The following LRCH1 variants were observed in gnomAD, a reference collection of about 807,000 sequenced individuals.
The protein encoded by LRCH1 is leucine-rich repeat and calponin homology domain-containing protein 1.
Under a neutral mutation model 94.9 loss-of-function variants are expected in LRCH1, and 23 were observed. That is an observed-to-expected ratio of 0.24 (90% CI 0.17 to 0.34). LRCH1 has a LOEUF of 0.34. LRCH1 is among the 10% of genes least tolerant of loss of function. The pLI, the probability that LRCH1 is intolerant of heterozygous loss-of-function variation, is 1.00. For synonymous variants in LRCH1, 364 were observed against 354.9 expected (o/e 1.03, Z -0.29); for missense variants, 790 against 945.9 (o/e 0.84, Z 2.16).
At chr13:46,585,694 GA>G (rs1394048400) in intron 1 of LRCH1, among the ~76,000 whole-genome samples, 2 of 151,940 alleles carry the variant, frequency 1.3e-5, no homozygotes, top group African/African-American at 4.8e-5. Context: ...TCATTCTTTA[GA>G]TTACATCTCT....
At chr13:46,646,970 G>A (rs143110393) in intron 1 of LRCH1, among the ~76,000 whole-genome samples, 2 of 152,134 alleles carry the variant, frequency 1.3e-5, no homozygotes, top group East Asian at 3.9e-4. Flanking sequence ...AAAATTAGCT[G>A]GACGTGGTGG....
intron 1 of LRCH1, among the ~76,000 whole-genome samples, chr13:46,614,100 A>G (rs146815828): frequency 1.2e-3 from 87 of 70,366 alleles, no homozygotes; most frequent in African/African-American, 7.3e-3. Context: ...ATCATTTCAC[A>G]TAGTTACCTT....
At chr13:46,714,300 G>T (rs9526222) in intron 15 of LRCH1, among the ~76,000 whole-genome samples, 68,561 of 151,882 alleles carry the variant, frequency 0.45, 16,070 homozygotes, top group African/African-American at 0.59. Flanking sequence ...AGTGACATGT[G>T]GGAACTTTAA....
intron 1 of LRCH1, among the ~76,000 whole-genome samples, chr13:46,601,394 A>C (rs1299331576): frequency 6.6e-6 from 1 of 152,228 alleles, no homozygotes; most frequent in South Asian, 2.1e-4. Flanking sequence ...TTTGAGGCAA[A>C]TTGCAGGAAA....
intron 1 of LRCH1, among the ~76,000 whole-genome samples, chr13:46,629,381 T>C: frequency 6.6e-6 from 1 of 152,268 alleles, no homozygotes; most frequent in East Asian, 1.9e-4. Flanking sequence ...ATACACTTTA[T>C]GTGTTCTTGT....
intron 1 of LRCH1, among the ~76,000 whole-genome samples, chr13:46,592,547 G>A (rs976524155): frequency 2.0e-5 from 3 of 152,200 alleles, no homozygotes; most frequent in Non-Finnish European, 4.4e-5. Flanking sequence ...TGGAGTCACT[G>A]ATCTGGAAAA....
chr13:46,601,229 C>T (rs1469758602), intron 1 of LRCH1, among the ~76,000 whole-genome samples: 1 of 152,204 alleles, frequency 6.6e-6, no homozygotes, highest in African/African-American at 2.4e-5. Flanking sequence ...GGAGAATATG[C>T]ATCAGCCTTG....
intron 2 of LRCH1, among the ~76,000 whole-genome samples, chr13:46,652,138 G>C (rs1242523964): frequency 3.3e-5 from 5 of 149,748 alleles, no homozygotes; most frequent in Middle Eastern, 3.4e-3. Flanking sequence ...GTGCAGTGGC[G>C]CGATCTCGGC....
At chr13:46,715,715 G>T in intron 16 of LRCH1, 51 bp downstream of exon 16, 3 of 1,058,570 alleles carry the variant, frequency 2.8e-6, no homozygotes, top group Admixed American at 4.0e-5. Context: ...AAGCCAATGC[G>T]TATACTGAAC....
intron 11 of LRCH1, among the ~76,000 whole-genome samples, chr13:46,702,772 GA>G (rs1871548117): frequency 6.6e-6 from 1 of 152,180 alleles, no homozygotes; most frequent in Non-Finnish European, 1.5e-5. Flanking sequence ...ATCTCAGGCA[GA>G]ACAGAGGCTC....
Position 46,741,550 on chromosome 13 carries a change from C to G in LRCH1, c.2086-92C>G. On this transcript the variant is annotated intron_variant, in intron 19 of 19. Transcript: ENST00000389797. ...GGTTACTCCTGCCATTTGCTAGTAA[C>G]CAAAAATGTGTGCTTCTTTCTAGCT... The G allele has an allele frequency of 2.6e-6, 4 of 1,538,642 alleles. No homozygotes were observed. In the Admixed American group the frequency reaches 6.7e-5, roughly 26 times the overall value.
intron 1 of LRCH1, among the ~76,000 whole-genome samples, chr13:46,575,859 C>T (rs996803978): frequency 3.3e-5 from 5 of 152,072 alleles, no homozygotes; most frequent in Non-Finnish European, 5.9e-5. Flanking sequence ...GAAGCAGGCT[C>T]CTGAGTCCTT....
chr13:46,699,381 G>A lies in LRCH1; in HGVS notation c.1291G>A (p.Val431Met). The A allele has an allele frequency of 4.3e-6, 7 of 1,614,116 alleles. No homozygotes were observed. Among genetic ancestry groups the A allele is most frequent in the Non-Finnish European group, 5.9e-6 (7 of 1,179,954 alleles). ...AGAGCTGTTACGGATAGAAGAGGAT[G>A]TGCACTGGCAAACTGAGGGCATGTG... Reference protein sequence around the residue: ...CEELLRIEEDVHWQTEGIISS... With the variant: ...CEELLRIEEDMHWQTEGIISS... Residue 431 changes from valine to methionine, a missense_variant, in exon 10 of 20, where the codon GTG (valine) becomes ATG (methionine). By Grantham distance (21) the Val-to-Met change is conservative. Coordinates refer to ENST00000389797, the MANE Select transcript of LRCH1 (RefSeq NM_001164211.2).
intron 2 of LRCH1, among the ~76,000 whole-genome samples, chr13:46,656,111 C>T (rs1471156684): frequency 2.0e-5 from 3 of 152,168 alleles, no homozygotes; most frequent in East Asian, 1.9e-4. Context: ...TCCTATAACC[C>T]GTATCCCCAC....
In LRCH1 at chr13:46,657,341, C is replaced by A. The variant is rs191068260; in HGVS notation, c.452+6996C>A. ...CAACTTACTATATATCCTCTAAGAACACTGCACTTTACCAAGTCCTATAAC... is the reference window on the plus strand; with the variant it reads ...CAACTTACTATATATCCTCTAAGAAAACTGCACTTTACCAAGTCCTATAAC... On this transcript the variant is annotated intron_variant, in intron 2 of 19. Transcript: ENST00000389797. 3.6e-3 allele frequency among the ~76,000 whole-genome samples: 546 copies of A among 150,782 alleles called. 6 individuals are homozygous for A. The highest frequency in any genetic ancestry group is 0.012 in the African/African-American group (485 of 41,110).
chr13:46,703,385 GTACCTACCTTTT>G (rs1055011944), intron 11 of LRCH1, among the ~76,000 whole-genome samples: 1 of 152,194 alleles, frequency 6.6e-6, no homozygotes, highest in African/African-American at 2.4e-5. Context: ...GGGGTGACAA[GTACCTACCTTTT>G]AGGGTTATGA....
chr13:46,639,154 G>C (rs375593624), intron 1 of LRCH1, among the ~76,000 whole-genome samples: 51 of 152,300 alleles, frequency 3.3e-4, no homozygotes, highest in African/African-American at 1.0e-3. Context: ...TCACAGCAGT[G>C]CCTTGTTTCA....
chr13:46,645,700 G>A (rs2051212195), intron 1 of LRCH1, among the ~76,000 whole-genome samples: 1 of 152,076 alleles, frequency 6.6e-6, no homozygotes, highest in Non-Finnish European at 1.5e-5. Flanking sequence ...TCTCAGGTTA[G>A]AGTGGTTTCT....
chr13:46,751,455 C>G (rs915749112), exon 19 of LRCH1: 1 of 151,922 alleles, frequency 6.6e-6, no homozygotes, highest in Non-Finnish European at 1.5e-5. Flanking sequence ...AGCCCTCTGT[C>G]CCCCAATATA....
Sources: gnomAD v4.1 joint callset for allele counts (sites outside exome capture counted in the v4.1 genomes callset) on GRCh38, gnomAD v4.1.1 for gene constraint, MANE v1.5 for transcripts, NCBI Gene and HGNC (gene_info 2026-07-23, HGNC 2026-07-21) for gene names.